Variants in CCDC178 observed in about 807,000 individuals in gnomAD.
CCDC178 encodes coiled-coil domain containing 178.
CCDC178 carries 126 observed loss-of-function variants against 117.4 expected under a neutral mutation model. The observed-to-expected ratio is 1.07, with a 90% CI of 0.93 to 1.24. The LOEUF (loss-of-function observed/expected upper bound fraction) is 1.24. CCDC178 is among the 50% of genes most tolerant of loss of function. The pLI, the probability that CCDC178 is intolerant of heterozygous loss-of-function variation, is 0.00. For missense variants in CCDC178, 1,030 were observed against 986.9 expected (o/e 1.04, Z -0.59); for synonymous variants, 283 against 313.4 (o/e 0.90, Z 1.02).
chr18:33,348,690 C>G (rs2062929248), intron 8 of CCDC178, among the ~76,000 whole-genome samples, 200 bp downstream of exon 8: 2 of 151,826 alleles, frequency 1.3e-5, no homozygotes, highest in African/African-American at 4.8e-5. Flanking sequence ...TAAACCAGTA[C>G]TTGGTGTATA....
intron 20 of CCDC178, among the ~76,000 whole-genome samples, chr18:33,187,633 T>C (rs1427877454): frequency 1.3e-5 from 2 of 152,110 alleles, no homozygotes; most frequent in East Asian, 3.9e-4. Flanking sequence ...ACTTGCTAGG[T>C]ATGTATAGAA....
intron 10 of CCDC178, among the ~76,000 whole-genome samples, chr18:33,330,401 G>A (rs181506915): frequency 1.8e-4 from 28 of 152,190 alleles, no homozygotes; most frequent in Non-Finnish European, 2.4e-4. Context: ...AGAGTTTATG[G>A]CTCACGCTAC....
intron 5 of CCDC178, among the ~76,000 whole-genome samples, chr18:33,377,785 C>G (rs1444203799): frequency 6.6e-6 from 1 of 152,004 alleles, no homozygotes; most frequent in Non-Finnish European, 1.5e-5. Flanking sequence ...TCTAGGTTCT[C>G]CATTCTTTTC....
intron 5 of CCDC178, among the ~76,000 whole-genome samples, chr18:33,380,200 C>A (rs1412717977): frequency 6.6e-6 from 1 of 152,146 alleles, no homozygotes; most frequent in Non-Finnish European, 1.5e-5. Flanking sequence ...CCAGGAGAAG[C>A]TGGACTGTGG....
At chr18:33,344,275 C>A (rs2062855616) in intron 9 of CCDC178, among the ~76,000 whole-genome samples, 1 of 137,288 alleles carries the variant, frequency 7.3e-6, no homozygotes. Context: ...CTGCAGTCCG[C>A]AGTCCGGCCT....
rs769218515 is a variant in CCDC178 at position 33,156,321 on chromosome 18, C to G, written c.2238+55575G>C. Among the ~76,000 whole-genome samples the G allele has an allele frequency of 8.8e-4, 133 of 151,504 alleles. 1 individual carries two copies. The highest frequency in any genetic ancestry group is 5.1e-3 in the Admixed American group (78 of 15,246). ...GCCAGGCTGGTCTCAAACTCCTGAC[C>G]TTGTGATCCGCCCGCCTCTGCCTCC... On this transcript the variant is annotated intron_variant, in intron 20 of 22. Transcript: ENST00000383096.
chr18:33,300,663 G>A (rs572616500), intron 11 of CCDC178, among the ~76,000 whole-genome samples: 9 of 152,314 alleles, frequency 5.9e-5, no homozygotes, highest in African/African-American at 2.2e-4. Flanking sequence ...CATTGTGTTC[G>A]TGTCCTAGGG....
At chr18:33,383,166 ACAGGG>A (rs1341417064) in intron 5 of CCDC178, among the ~76,000 whole-genome samples, 1 of 152,148 alleles carries the variant, frequency 6.6e-6, no homozygotes, top group Non-Finnish European at 1.5e-5. Flanking sequence ...CTGGGCATGG[ACAGGG>A]CCTCTCTGCA....
intron 11 of CCDC178, among the ~76,000 whole-genome samples, chr18:33,311,462 G>A (rs1440934531): frequency 1.3e-5 from 2 of 152,202 alleles, no homozygotes; most frequent in Admixed American, 6.5e-5. Flanking sequence ...GTGCCAGCTG[G>A]ATAACTCACA....
chr18:33,379,061 C>A (rs2063400053), intron 5 of CCDC178, among the ~76,000 whole-genome samples: 1 of 148,180 alleles, frequency 6.7e-6, no homozygotes, highest in Admixed American at 6.7e-5. Flanking sequence ...TAAATATTTT[C>A]ATGCAGGTAG....
At chr18:33,418,588 AAACCGATAGTCTCTGCCC>A (rs1234148930) in intron 2 of CCDC178, among the ~76,000 whole-genome samples, 4 of 152,134 alleles carry the variant, frequency 2.6e-5, no homozygotes, top group Admixed American at 2.6e-4. Context: ...CTAAAAAAAA[AAACCGATAGTCTCTGCCC>A]AAAAGGCTCC....
intron 12 of CCDC178, among the ~76,000 whole-genome samples, chr18:33,291,271 G>T (rs1278429904): frequency 1.3e-5 from 2 of 152,052 alleles, no homozygotes; most frequent in Admixed American, 1.3e-4. Context: ...TTCATCAGAA[G>T]TTACCATAAA....
At chr18:33,058,085 T>C (rs77371270) in intron 21 of CCDC178, among the ~76,000 whole-genome samples, 2,162 of 147,056 alleles carry the variant, frequency 0.015, 53 homozygotes, top group African/African-American at 0.054. Context: ...TGGAAAAAAA[T>C]AAGAGTTCAT....
At chr18:33,231,737 G>A (rs1161492990) in intron 15 of CCDC178, among the ~76,000 whole-genome samples, 1 of 152,088 alleles carries the variant, frequency 6.6e-6, no homozygotes, top group Non-Finnish European at 1.5e-5. Flanking sequence ...GGTGTGTGGG[G>A]AGGTTCTCTG....
chr18:33,150,199 A>T (rs2058325066), intron 20 of CCDC178, among the ~76,000 whole-genome samples: 2 of 152,192 alleles, frequency 1.3e-5, no homozygotes, highest in South Asian at 4.1e-4. Context: ...GAAGAATAAA[A>T]CTGGATCACC....
chr18:33,418,486 G>A (rs1320427042), intron 2 of CCDC178, among the ~76,000 whole-genome samples: 1 of 152,008 alleles, frequency 6.6e-6, no homozygotes, highest in African/African-American at 2.4e-5. Context: ...GGCAGTCCTG[G>A]CCACAGCAGT....
At chr18:33,395,187 T>C (rs866611994) in intron 4 of CCDC178, among the ~76,000 whole-genome samples, 2 of 151,252 alleles carry the variant, frequency 1.3e-5, no homozygotes, top group Admixed American at 6.6e-5. Flanking sequence ...TCACGTTCCA[T>C]AGACAAAATT....
chr18:33,260,867 G>T (rs2059738723), intron 14 of CCDC178, among the ~76,000 whole-genome samples: 1 of 151,950 alleles, frequency 6.6e-6, no homozygotes, highest in Non-Finnish European at 1.5e-5. Flanking sequence ...TCTGGTGAAT[G>T]TATACGTATA....
intron 9 of CCDC178, 52 bp from the exon 10 acceptor site, chr18:33,333,446 G>A: frequency 1.4e-6 from 1 of 696,238 alleles, no homozygotes; most frequent in East Asian, 3.5e-5. Flanking sequence ...GGAAATATTT[G>A]ATAATACATA....
Sources: allele counts gnomAD v4.1 joint callset (sites outside exome capture counted in the v4.1 genomes callset), GRCh38; gene constraint gnomAD v4.1.1; transcripts MANE v1.5; gene names NCBI Gene and HGNC (gene_info 2026-07-23, HGNC 2026-07-21).